ALDH8A1: variants seen among roughly 807,000 people sequenced by gnomAD.
ALDH8A1 encodes aldehyde dehydrogenase 8 family member A1.
A neutral mutation model predicts 43.3 loss-of-function variants in ALDH8A1; 39 were observed. That is an observed-to-expected ratio of 0.90 (90% CI 0.70 to 1.18). The LOEUF (loss-of-function observed/expected upper bound fraction) is 1.18. Among genes scored for constraint, ALDH8A1 ranks in the 50% most tolerant of loss-of-function variants. The pLI is 0.00. For missense variants in ALDH8A1, 605 were observed against 622.6 expected, an observed-to-expected ratio of 0.97 and a Z score of 0.30; for synonymous variants, 233 against 243.5, an observed-to-expected ratio of 0.96 and a Z score of 0.40.
At position 134,933,119 on chromosome 6, in the gene ALDH8A1, G is replaced by T. The variant is rs371124292; in HGVS notation, c.593-87C>A. ...GGAAATTCTCCTTTAAAGTCCAATCGCTTGAATGGGAGTGGGTAGGGATGG... is the reference window on the plus strand; with the variant it reads ...GGAAATTCTCCTTTAAAGTCCAATCTCTTGAATGGGAGTGGGTAGGGATGG... On this transcript the variant is annotated intron_variant, in intron 4 of 6. Transcript: ENST00000265605. The T allele has an allele frequency of 2.7e-5, 38 of 1,390,722 alleles. No homozygotes were observed. In the South Asian group the frequency reaches 3.4e-4, roughly 13 times the overall value. 86.1% of individuals were successfully genotyped at this position (1,390,722 alleles called of 1,614,324 possible).
intron 3 of ALDH8A1, among the ~76,000 whole-genome samples, chr6:134,941,072 C>T (rs998555794): frequency 3.9e-5 from 6 of 152,168 alleles, no homozygotes; most frequent in Admixed American, 2.0e-4. Flanking sequence ...TTTATTTATA[C>T]GTTCTTCCAA....
At chr6:134,918,999 T>A (rs970040375) in intron 6 of ALDH8A1, 132 bp from the exon 7 acceptor site, 2 of 1,051,840 alleles carry the variant, frequency 1.9e-6, no homozygotes, top group East Asian at 5.0e-5. Flanking sequence ...TGGTCGATTA[T>A]CTTATCACTC....
chr6:134,920,438 G>C (rs913089573), intron 6 of ALDH8A1, among the ~76,000 whole-genome samples: 2 of 152,130 alleles, frequency 1.3e-5, no homozygotes, highest in African/African-American at 4.8e-5. Context: ...TGTGAATAGG[G>C]GAATGGAGGT....
At position 134,918,370 on chromosome 6, in the gene ALDH8A1, C is replaced by G. The variant is rs1328218296; in HGVS notation, c.*45G>C. On this transcript the variant is annotated 3_prime_UTR_variant, in exon 7 of 7. Transcript: ENST00000265605. Reference sequence around the variant, plus strand: ...CATCTACCACATTGAACAACTGATGCCTGCAGCCAGGCATTGGCCATAGTG... The same window carrying G: ...CATCTACCACATTGAACAACTGATGGCTGCAGCCAGGCATTGGCCATAGTG... 6.4e-7 allele frequency: 1 copy of G among 1,563,418 alleles called. No individual in the cohort carries two copies. Among genetic ancestry groups the G allele is most frequent in the African/African-American group, 1.4e-5 (1 of 73,792 alleles).
rs563499178 is a variant in ALDH8A1 at position 134,923,839 on chromosome 6, T to C, written c.1012-4972A>G. 7.2e-5 allele frequency among the ~76,000 whole-genome samples: 11 copies of C among 152,240 alleles called. No individual in the cohort carries two copies. The South Asian group carries it at 2.3e-3, about 32-fold the overall frequency. ...GGGGAAGATGGAGTTGGTAAAAACATGGTGTATGAGATGGGGTGACATAAG... is the reference window on the plus strand; with the variant it reads ...GGGGAAGATGGAGTTGGTAAAAACACGGTGTATGAGATGGGGTGACATAAG... On this transcript the variant is annotated intron_variant, in intron 6 of 6. Coordinates refer to ENST00000265605, the MANE Select transcript of ALDH8A1 (RefSeq NM_022568.4).
intron 4 of ALDH8A1, among the ~76,000 whole-genome samples, chr6:134,935,933 T>TGCCTAGCA (rs1324350067): frequency 6.7e-6 from 1 of 150,228 alleles, no homozygotes; most frequent in Non-Finnish European, 1.5e-5. Context: ...GTTGTGATGG[T>TGCCTAGCA]GCCTAGCAGA....
intron 2 of ALDH8A1, among the ~76,000 whole-genome samples, chr6:134,943,024 G>A (rs770226297): frequency 2.6e-5 from 4 of 152,198 alleles, no homozygotes; most frequent in South Asian, 4.1e-4. Context: ...TCAGAAGAGC[G>A]GCTGGGAATG....
At position 134,943,922 on chromosome 6, in the gene ALDH8A1, C is replaced by A. The variant is rs762113754; in HGVS notation, c.183G>T (p.Trp61Cys). ...AGCGCTCCTGGGGGCTGCGGGATGA[C>A]CAGCTGGGAAAGGCTTCTCTGGCGG... is the stretch of plus-strand genomic sequence containing the variant. ...VKAAREAFPSWSSRSPQERSR... is the reference protein window; with the variant it reads ...VKAAREAFPSCSSRSPQERSR... The change falls in exon 2 of 7, where the codon TGG becomes TGT. Residue 61 changes from tryptophan to cysteine, a missense_variant. Trp to Cys is a radical substitution (Grantham distance 215, BLOSUM62 -2). Coordinates refer to ENST00000265605, the MANE Select transcript of ALDH8A1 (RefSeq NM_022568.4). The A allele has an allele frequency of 6.2e-6, 10 of 1,614,176 alleles. No homozygotes were observed. In the East Asian group the frequency reaches 2.2e-4, roughly 36 times the overall value.
intron 3 of ALDH8A1, chr6:134,942,152 A>C: frequency 4.0e-6 from 1 of 247,686 alleles, no homozygotes; most frequent in Non-Finnish European, 7.6e-6. Context: ...TCCGGGAAGC[A>C]GAGGTTGCAG....
intron 1 of ALDH8A1, among the ~76,000 whole-genome samples, chr6:134,948,071 A>G (rs1443256645): frequency 6.6e-6 from 1 of 152,218 alleles, no homozygotes; most frequent in Non-Finnish European, 1.5e-5. Context: ...ATTCAGCCAT[A>G]AAAAGGAACA....
intron 6 of ALDH8A1, among the ~76,000 whole-genome samples, chr6:134,927,778 C>T (rs1325551744): frequency 6.6e-6 from 1 of 152,078 alleles, no homozygotes; most frequent in East Asian, 1.9e-4. Context: ...AACTTTTGTT[C>T]CACTCCTTCC....
rs149447462 is a variant in ALDH8A1 at position 134,926,141 on chromosome 6, G to A, written c.1011+2913C>T. 4.0e-5 allele frequency among the ~76,000 whole-genome samples: 6 copies of A among 151,312 alleles called. No individual in the cohort carries two copies. In the East Asian group the frequency reaches 9.8e-4, roughly 25 times the overall value. On this transcript the variant is annotated intron_variant, in intron 6 of 6. Transcript: ENST00000265605. Reference sequence around the variant, plus strand: ...CAGTGATGAAATAATTATGATATTAGAGCAAGGTTTAAAAGGTAATTTAGC... The same window carrying A: ...CAGTGATGAAATAATTATGATATTAAAGCAAGGTTTAAAAGGTAATTTAGC...
rs1330286464 is a variant in ALDH8A1 at position 134,932,917 on chromosome 6, A to G, written c.708T>C (p.Ala236=). ...LISFTGSQPT[A]ERITQLSAPH... is the part of the protein sequence containing the mutation. ...GAGCGCTCAGCTGGGTGATCCGCTC[A>G]GCGGTGGGCTGGCTCCCGGTGAAGG... The change falls in exon 5 of 7, where the codon GCT becomes GCC. Residue 236 remains alanine, a synonymous_variant. Transcript: ENST00000265605. 3.1e-6 allele frequency: 5 copies of G among 1,614,174 alleles called. No homozygotes were observed. Among genetic ancestry groups the G allele is most frequent in the Middle Eastern group, 1.6e-4 (1 of 6,062 alleles).
intron 1 of ALDH8A1, among the ~76,000 whole-genome samples, chr6:134,944,526 A>G (rs2114709642): frequency 6.6e-6 from 1 of 152,318 alleles, no homozygotes; most frequent in South Asian, 2.1e-4. Context: ...TCAGATCATT[A>G]GAAAGAAGCT....
chr6:134,918,528 T>C lies in ALDH8A1; in HGVS notation c.1351A>G (p.Arg451Gly), dbSNP rs758159922. The change falls in exon 7 of 7, where the codon AGG becomes GGG. Residue 451 changes from arginine to glycine, a missense_variant. Transcript: ENST00000265605. ...CCCCCGAAAGGAAGGTTCAGCTCCC[T>C]GATGAGCCAGCAGTTGGTCCAGACC... ...GLVWTNCWLI[R>G]ELNLPFGGMK... The C allele has an allele frequency of 6.8e-6, 11 of 1,614,076 alleles. No individual in the cohort carries two copies. The East Asian group carries it at 2.4e-4, about 36-fold the overall frequency.
At chr6:134,937,699 C>A (rs117714411) in intron 4 of ALDH8A1, among the ~76,000 whole-genome samples, 1 of 152,194 alleles carries the variant, frequency 6.6e-6, no homozygotes, top group African/African-American at 2.4e-5. Context: ...CAGGCCTAGT[C>A]CACTCTGGGG....
intron 1 of ALDH8A1, among the ~76,000 whole-genome samples, chr6:134,947,071 A>G (rs1773966310): frequency 6.6e-6 from 1 of 152,244 alleles, no homozygotes; most frequent in Non-Finnish European, 1.5e-5. Context: ...CCAGAAATAA[A>G]TCCATGCATT....
chr6:134,929,035 A>C lies in ALDH8A1; in HGVS notation c.1011+19T>G. 1 of 1,612,182 alleles carries C rather than the reference A, an allele frequency of 6.2e-7. No individual in the cohort carries two copies. Among genetic ancestry groups the C allele is most frequent in the Non-Finnish European group, 8.5e-7 (1 of 1,178,874 alleles). Reference sequence around the variant, plus strand: ...AATAAGAACTTATTCTGTAACTTACATGGCAGAAATTTACTTACTTTCTCC... The same window carrying C: ...AATAAGAACTTATTCTGTAACTTACCTGGCAGAAATTTACTTACTTTCTCC... On this transcript the variant is annotated intron_variant, in intron 6 of 6. Transcript: ENST00000265605.
At chr6:134,944,159 C>T (rs1393559100) in intron 1 of ALDH8A1, 193 bp from the exon 2 acceptor site, 6 of 619,634 alleles carry the variant, frequency 9.7e-6, no homozygotes, top group South Asian at 7.4e-5. Context: ...CCTCTGCCTC[C>T]GGGGTTCAAG....
Sources: gnomAD v4.1 joint callset for allele counts (sites outside exome capture counted in the v4.1 genomes callset) on GRCh38, gnomAD v4.1.1 for gene constraint, MANE v1.5 for transcripts, NCBI Gene and HGNC (gene_info 2026-07-23, HGNC 2026-07-21) for gene names.